Variants in KIAA1217 observed in about 807,000 individuals in gnomAD.
KIAA1217 encodes the protein sickle tail protein homolog.
Under a neutral mutation model 163.9 loss-of-function variants are expected in KIAA1217, and 88 were observed. The observed-to-expected ratio is 0.54, with a 90% CI of 0.45 to 0.64. The LOEUF is 0.64. KIAA1217 is among the 30% of genes least tolerant of loss of function. The pLI is 0.00. For missense variants in KIAA1217, 2,372 were observed against 2,475.0 expected (o/e 0.96, Z 0.88); for synonymous variants, 903 against 923.1 (o/e 0.98, Z 0.39).
At chr10:24,456,529 C>T (rs1202498530) in intron 5 of KIAA1217, among the ~76,000 whole-genome samples, 2 of 152,038 alleles carry the variant, frequency 1.3e-5, no homozygotes, top group Non-Finnish European at 2.9e-5. Flanking sequence ...GAATCAGGGG[C>T]TCAGAGTTCA....
At chr10:23,902,453 C>T (rs1372672453) in intron 1 of KIAA1217, among the ~76,000 whole-genome samples, 1 of 152,054 alleles carries the variant, frequency 6.6e-6, no homozygotes, top group African/African-American at 2.4e-5. Flanking sequence ...CTCCTGGAAA[C>T]AGCATTCAAA....
intron 1 of KIAA1217, among the ~76,000 whole-genome samples, chr10:23,821,547 A>T (rs1291390528): frequency 6.6e-6 from 1 of 152,198 alleles, no homozygotes; most frequent in African/African-American, 2.4e-5. Flanking sequence ...GAGAAGCAGA[A>T]GGAAGCAGGG....
chr10:24,521,762 C>T lies in KIAA1217; in HGVS notation c.2309-20C>T, dbSNP rs1422558026. ...TCTGGCTTTTTCTCCTCCAATTCAC[C>T]TGCTGGTTTGGGCCTGCAGGAGAAT... On this transcript the variant is annotated intron_variant, in intron 11 of 20. Coordinates refer to ENST00000376454, the MANE Select transcript of KIAA1217 (RefSeq NM_019590.5). The T allele has an allele frequency of 6.2e-7, 1 of 1,605,204 alleles. No homozygotes were observed. The highest frequency in any genetic ancestry group is 8.5e-7 in the Non-Finnish European group (1 of 1,176,006).
At chr10:24,494,338 C>G (rs912380020) in intron 6 of KIAA1217, among the ~76,000 whole-genome samples, 162 bp from the exon 7 acceptor site, 12 of 152,072 alleles carry the variant, frequency 7.9e-5, no homozygotes, top group African/African-American at 2.9e-4. Flanking sequence ...GAATCTTGAC[C>G]TGAGCTAAGG....
chr10:24,309,340 A>G (rs925589597), intron 2 of KIAA1217, among the ~76,000 whole-genome samples: 4 of 139,926 alleles, frequency 2.9e-5, no homozygotes, highest in Non-Finnish European at 4.8e-5. Context: ...AGGCGCGCGC[A>G]CGCGCGCGCG....
At chr10:23,890,862 T>C (rs913937043) in intron 1 of KIAA1217, among the ~76,000 whole-genome samples, 31 of 152,024 alleles carry the variant, frequency 2.0e-4, no homozygotes, top group African/African-American at 7.5e-4. Flanking sequence ...ACTCCAAATT[T>C]GATATCTGTT....
intron 2 of KIAA1217, among the ~76,000 whole-genome samples, chr10:24,203,342 G>A (rs775255818): frequency 2.0e-4 from 30 of 152,166 alleles, no homozygotes; most frequent in Non-Finnish European, 1.9e-4. Flanking sequence ...AAGATCCTAA[G>A]GTATTCATCA....
chr10:23,705,775 A>AC (rs1836844006), intron 1 of KIAA1217, among the ~76,000 whole-genome samples: 1 of 152,174 alleles, frequency 6.6e-6, no homozygotes, highest in South Asian at 2.1e-4. Context: ...TCTGTGAAAA[A>AC]GAAAAAAATA....
chr10:23,863,450 C>T (rs1179438708), intron 1 of KIAA1217, among the ~76,000 whole-genome samples: 2 of 152,102 alleles, frequency 1.3e-5, no homozygotes, highest in African/African-American at 4.8e-5. Flanking sequence ...TCAAAAGAGG[C>T]TTCACAACAT....
At chr10:23,887,924 A>G (rs1430272533) in intron 1 of KIAA1217, among the ~76,000 whole-genome samples, 1 of 151,924 alleles carries the variant, frequency 6.6e-6, no homozygotes, top group African/African-American at 2.4e-5. Flanking sequence ...TGCTTATGAT[A>G]TATCTCTTAT....
At chr10:24,198,596 A>G (rs2067102370) in intron 2 of KIAA1217, among the ~76,000 whole-genome samples, 1 of 151,992 alleles carries the variant, frequency 6.6e-6, no homozygotes, top group Admixed American at 6.6e-5. Flanking sequence ...AAAAAAAAAA[A>G]AAAAGCATTT....
At chr10:24,289,175 G>A (rs912556539) in intron 2 of KIAA1217, among the ~76,000 whole-genome samples, 3 of 152,178 alleles carry the variant, frequency 2.0e-5, no homozygotes, top group Non-Finnish European at 4.4e-5. Context: ...TGCCATTGCT[G>A]TTGCATTCAG....
At chr10:24,418,352 T>G (rs72776760) in intron 3 of KIAA1217, among the ~76,000 whole-genome samples, 10,633 of 152,260 alleles carry the variant, frequency 0.07, 443 homozygotes, top group Non-Finnish European at 0.095. Context: ...CTAATCAAGT[T>G]GATACTTCCC....
chr10:23,927,555 T>C (rs1477694287), intron 1 of KIAA1217, among the ~76,000 whole-genome samples: 3 of 152,174 alleles, frequency 2.0e-5, no homozygotes, highest in South Asian at 2.1e-4. Flanking sequence ...GAGATGCTCA[T>C]ATGTGATTGA....
intron 1 of KIAA1217, among the ~76,000 whole-genome samples, chr10:23,701,384 C>A (rs375421125): frequency 2.0e-4 from 31 of 152,280 alleles, no homozygotes; most frequent in African/African-American, 7.5e-4. Context: ...GCGGTTGTGC[C>A]TTTCATCCTC....
At chr10:23,883,444 C>T (rs1841038850) in intron 1 of KIAA1217, among the ~76,000 whole-genome samples, 1 of 151,906 alleles carries the variant, frequency 6.6e-6, no homozygotes, top group African/African-American at 2.4e-5. Flanking sequence ...AAGAAAATGT[C>T]AGTACACGTT....
intron 2 of KIAA1217, among the ~76,000 whole-genome samples, chr10:24,020,614 C>T (rs1847691655): frequency 6.6e-6 from 1 of 152,114 alleles, no homozygotes; most frequent in Non-Finnish European, 1.5e-5. Flanking sequence ...TTCCCCAATA[C>T]ACATATATAC....
intron 1 of KIAA1217, among the ~76,000 whole-genome samples, chr10:23,737,172 T>C (rs1265619346): frequency 6.6e-6 from 1 of 152,166 alleles, no homozygotes; most frequent in East Asian, 1.9e-4. Flanking sequence ...GGAAGGCAAA[T>C]AGTGTGTTTT....
At chr10:23,912,216 TC>T (rs2131271249) in intron 1 of KIAA1217, among the ~76,000 whole-genome samples, 1 of 152,292 alleles carries the variant, frequency 6.6e-6, no homozygotes, top group Admixed American at 6.5e-5. Context: ...TTCTTAGCCT[TC>T]TAGAGCTGTT....
Sources: gnomAD v4.1 joint callset for allele counts (sites outside exome capture counted in the v4.1 genomes callset) on GRCh38, gnomAD v4.1.1 for gene constraint, MANE v1.5 for transcripts, NCBI Gene and HGNC (gene_info 2026-07-23, HGNC 2026-07-21) for gene names.